The following WDR93 variants were observed in gnomAD, a reference collection of about 807,000 sequenced individuals.
WDR93 encodes the protein WD repeat-containing protein 93.
Under a neutral mutation model 82.9 loss-of-function variants are expected in WDR93, and 73 were observed. The ratio of observed to expected loss-of-function variants is 0.88; its 90% confidence interval spans 0.73 to 1.07. The LOEUF (loss-of-function observed/expected upper bound fraction) is 1.07. WDR93 is among the 50% of genes least tolerant of loss of function. The pLI, the probability that WDR93 is intolerant of heterozygous loss-of-function variation, is 0.00. For missense variants in WDR93, 738 were observed against 826.0 expected (o/e 0.89, Z 1.31); for synonymous variants, 283 against 300.1 (o/e 0.94, Z 0.59).
chr15:89,702,941 T>A lies in WDR93; in HGVS notation c.304-9T>A, dbSNP rs751931146. The A allele has an allele frequency of 6.2e-7, 1 of 1,612,646 alleles. No homozygotes were observed. Among genetic ancestry groups the A allele is most frequent in the Non-Finnish European group, 8.5e-7 (1 of 1,179,642 alleles). The stretch of plus-strand genomic sequence containing the variant: ...AACTGAAAATAATATTTTTTCTTTG[T>A]TTTCCCAGCTCAACAAAATGCCAAA... On this transcript the variant is annotated splice_polypyrimidine_tract_variant and intron_variant, in intron 2 of 16. Transcript: ENST00000268130.
At chr15:89,719,135 T>C (rs1174906437) in intron 7 of WDR93, among the ~76,000 whole-genome samples, 1 of 152,178 alleles carries the variant, frequency 6.6e-6, no homozygotes, top group Non-Finnish European at 1.5e-5. Flanking sequence ...TCACTCAGGC[T>C]GGAATGTAAT....
At chr15:89,734,424 G>A (rs1488989623) in intron 13 of WDR93, among the ~76,000 whole-genome samples, 1 of 152,272 alleles carries the variant, frequency 6.6e-6, no homozygotes, top group African/African-American at 2.4e-5. Flanking sequence ...CTGCAGACTA[G>A]TACAGCCTTT....
At chr15:89,719,366 G>A (rs1966414848) in intron 7 of WDR93, among the ~76,000 whole-genome samples, 1 of 152,140 alleles carries the variant, frequency 6.6e-6, no homozygotes, top group Admixed American at 6.5e-5. Context: ...CTTTCTTTGT[G>A]GAACTACAAA....
At chr15:89,701,259 A>C (rs1965448956) in intron 1 of WDR93, among the ~76,000 whole-genome samples, 1 of 152,170 alleles carries the variant, frequency 6.6e-6, no homozygotes, top group Admixed American at 6.5e-5. Flanking sequence ...CAAATCAGAC[A>C]GTCGGGATTG....
intron 8 of WDR93, among the ~76,000 whole-genome samples, chr15:89,725,872 T>G (rs1278591765): frequency 6.6e-6 from 1 of 152,190 alleles, no homozygotes; most frequent in Non-Finnish European, 1.5e-5. Flanking sequence ...GATGTTCTAT[T>G]TCTTGACCTG....
At chr15:89,741,145 AAAT>A (rs1440082076) in intron 16 of WDR93, among the ~76,000 whole-genome samples, 1 of 151,820 alleles carries the variant, frequency 6.6e-6, no homozygotes, top group African/African-American at 2.4e-5. Flanking sequence ...GTCTCAAAAA[AAAT>A]AAATAAATAA....
At chr15:89,720,464 G>A (rs1456251359) in intron 7 of WDR93, among the ~76,000 whole-genome samples, 3 of 151,998 alleles carry the variant, frequency 2.0e-5, no homozygotes, top group African/African-American at 7.2e-5. Flanking sequence ...GTAGAGATGG[G>A]GTTTCACCAT....
At chr15:89,715,132 C>G in intron 6 of WDR93, 37 bp downstream of exon 6, 2 of 1,581,580 alleles carry the variant, frequency 1.3e-6, no homozygotes, top group Non-Finnish European at 1.7e-6. Flanking sequence ...ATATGTTTCT[C>G]CCTACCCCTG....
At chr15:89,712,660 T>C (rs1270318856) in intron 5 of WDR93, among the ~76,000 whole-genome samples, 2 of 152,128 alleles carry the variant, frequency 1.3e-5, no homozygotes, top group African/African-American at 4.8e-5. Flanking sequence ...CATTGCATCA[T>C]ATCAAGGGGT....
At chr15:89,733,810 A>G (rs2141700136) in intron 13 of WDR93, among the ~76,000 whole-genome samples, 1 of 152,302 alleles carries the variant, frequency 6.6e-6, no homozygotes, top group South Asian at 2.1e-4. Context: ...TGCTTTATAC[A>G]TTATCCAGTT....
At chr15:89,708,411 G>A (rs1279433630) in intron 4 of WDR93, among the ~76,000 whole-genome samples, 2 of 152,062 alleles carry the variant, frequency 1.3e-5, no homozygotes, top group Non-Finnish European at 1.5e-5. Context: ...TCACACCCTG[G>A]AGGAGCTACA....
At chr15:89,719,455 G>T (rs1043291256) in intron 7 of WDR93, among the ~76,000 whole-genome samples, 1 of 152,066 alleles carries the variant, frequency 6.6e-6, no homozygotes, top group Non-Finnish European at 1.5e-5. Context: ...TGTGTCTTTC[G>T]AGTAATTTGT....
chr15:89,722,845 AC>A (rs2063114365), intron 8 of WDR93, among the ~76,000 whole-genome samples: 1 of 125,676 alleles, frequency 8.0e-6, no homozygotes, highest in Non-Finnish European at 1.8e-5. Context: ...ACTAGTAGTT[AC>A]GATTAAAAAA....
intron 12 of WDR93, 43 bp downstream of exon 12, chr15:89,731,605 C>A: frequency 1.2e-6 from 2 of 1,611,984 alleles, no homozygotes; most frequent in Non-Finnish European, 1.7e-6. Flanking sequence ...GGGTGGGACT[C>A]TGGGCAATGA....
intron 14 of WDR93, among the ~76,000 whole-genome samples, chr15:89,737,023 C>T (rs1009078104): frequency 1.5e-4 from 23 of 152,158 alleles, no homozygotes; most frequent in Admixed American, 1.4e-3. Flanking sequence ...GATCTCCTGA[C>T]CTCGTGATCC....
intron 10 of WDR93, 117 bp from the exon 11 acceptor site, chr15:89,729,566 C>A: frequency 1.3e-6 from 1 of 748,578 alleles, no homozygotes; most frequent in South Asian, 1.7e-5. Context: ...TAAAACAAAC[C>A]ACTTCAGACT....
chr15:89,712,399 T>A (rs1161496796), intron 5 of WDR93, among the ~76,000 whole-genome samples: 3 of 92,532 alleles, frequency 3.2e-5, no homozygotes, highest in African/African-American at 1.3e-4. Context: ...CACTAATCTT[T>A]TTTTTTTTTT....
At chr15:89,714,269 G>T (rs990074597) in intron 5 of WDR93, 1 of 152,140 alleles carries the variant, frequency 6.6e-6, no homozygotes, top group Admixed American at 6.5e-5. Flanking sequence ...AAACTGGAAC[G>T]ATACAGAGAC....
At chr15:89,714,023 T>C (rs1388031310) in intron 5 of WDR93, among the ~76,000 whole-genome samples, 1 of 152,224 alleles carries the variant, frequency 6.6e-6, no homozygotes, top group Non-Finnish European at 1.5e-5. Context: ...ATATATTTGC[T>C]ATAGAAGCTG....
Sources: gnomAD v4.1 joint callset for allele counts (sites outside exome capture counted in the v4.1 genomes callset) on GRCh38, gnomAD v4.1.1 for gene constraint, MANE v1.5 for transcripts, NCBI Gene and HGNC (gene_info 2026-07-23, HGNC 2026-07-21) for gene names.